Variants in DNAI3 observed in about 807,000 individuals in gnomAD.
The protein encoded by DNAI3 is WD repeat domain 63.
DNAI3 carries 83 observed loss-of-function variants against 115.5 expected under a neutral mutation model. The observed-to-expected ratio is 0.72, with a 90% CI of 0.60 to 0.86. DNAI3 has a LOEUF of 0.86. Ranked by LOEUF, DNAI3 falls within the 40% of genes least tolerant of loss-of-function variation. DNAI3 has a pLI of 0.00. For synonymous variants in DNAI3, 320 were observed against 347.0 expected, an observed-to-expected ratio of 0.92 and a Z score of 0.86; for missense variants, 1,004 against 1,075.8, an observed-to-expected ratio of 0.93 and a Z score of 0.93.
Position 85,110,415 on chromosome 1 carries a change from T to C in DNAI3, c.1786+280T>C, listed in dbSNP as rs6656774. ...GCAGTGAGCCGAGATCGTGCCACTG[T>C]ACTCCAGTCCGGGCAACAGAGCGAG... On this transcript the variant is annotated intron_variant, in intron 16 of 22. Coordinates refer to ENST00000294664, the MANE Select transcript of DNAI3 (RefSeq NM_145172.5). 8.1e-3 allele frequency among the ~76,000 whole-genome samples: 1,219 copies of C among 149,910 alleles called. 16 individuals are homozygous for C. Among genetic ancestry groups the C allele is most frequent in the African/African-American group, 0.028 (1,140 of 40,614 alleles).
intron 16 of DNAI3, among the ~76,000 whole-genome samples, chr1:85,112,626 T>C (rs1470230293): frequency 6.6e-6 from 1 of 152,230 alleles, no homozygotes; most frequent in East Asian, 1.9e-4. Context: ...ATTTAACCAT[T>C]CTAAAATATA....
intron 13 of DNAI3, among the ~76,000 whole-genome samples, chr1:85,101,135 A>AC (rs1321141681): frequency 3.8e-5 from 1 of 26,418 alleles, no homozygotes; most frequent in African/African-American, 2.2e-4. Context: ...TAATAAAATT[A>AC]AAAAAAAAGA....
rs757428832 is a variant in DNAI3, at chr1:85,110,153, T to C, written c.1786+18T>C. ...AACACAAGGTAACTGCCTTTGCTTA[T>C]TTAAAAAAAAAAAAAAGGCCGGGCG... On this transcript the variant is annotated intron_variant, in intron 16 of 22. Coordinates refer to ENST00000294664, the MANE Select transcript of DNAI3 (RefSeq NM_145172.5). 5.7e-6 allele frequency: 9 copies of C among 1,591,026 alleles called. No homozygotes were observed. Among genetic ancestry groups the C allele is most frequent in the East Asian group, 2.3e-5 (1 of 44,282 alleles).
In DNAI3 at chr1:85,084,690, A is replaced by C; in HGVS notation, c.535A>C (p.Lys179Gln). ...IEEESVTEST[K>Q]QITYMISRKR... ...GGAAGAATCAGTTACGGAATCTACA[A>C]AGCAGGTTAGAGGGTTATATATGAT... Residue 179 changes from lysine to glutamine, a missense_variant, in exon 6 of 23, where the codon AAG becomes CAG. Physicochemically the swap from Lys to Gln is moderately conservative, Grantham distance 53 (BLOSUM62 1). Around this residue, in one of 3 missense-constraint regions of DNAI3, gnomAD observed 550 missense variants for 568.1 expected, o/e 0.97. Coordinates refer to ENST00000294664, the MANE Select transcript of DNAI3 (RefSeq NM_145172.5). The C allele has an allele frequency of 6.6e-7, 1 of 1,519,038 alleles. No homozygotes were observed. Among genetic ancestry groups the C allele is most frequent in the Admixed American group, 2.0e-5 (1 of 49,652 alleles). 94.1% of individuals were successfully genotyped at this position (1,519,038 alleles called of 1,614,324 possible). A position where few individuals can be genotyped will look rare whatever the true frequency, so the allele number is the denominator to read the frequency against.
intron 20 of DNAI3, 102 bp from the exon 21 acceptor site, chr1:85,128,606 T>G: frequency 1.2e-6 from 1 of 866,144 alleles, no homozygotes; most frequent in Non-Finnish European, 1.8e-6. Flanking sequence ...CCACAGCAGG[T>G]CCTTTGGGAG....
chr1:85,133,075 C>CATAT lies in DNAI3; in HGVS notation c.*87_*90dup. 1 of 1,432,244 alleles carries CATAT rather than the reference C, an allele frequency of 7.0e-7. No individual in the cohort carries two copies. The highest frequency in any genetic ancestry group is 9.4e-7 in the Non-Finnish European group (1 of 1,063,712). The allele number at this position is 1,432,244 out of a possible 1,614,324, so 88.7% of individuals were successfully genotyped here. The stretch of plus-strand genomic sequence containing the variant: ...ATGTCAGGTGAACTGGCATGCTGAA[C>CATAT]ATATATATATATAGGCTCATTTATA... On this transcript the variant is annotated 3_prime_UTR_variant, in exon 23 of 23. Coordinates refer to ENST00000294664, the MANE Select transcript of DNAI3 (RefSeq NM_145172.5).
chr1:85,108,374 CAT>C (rs1474455895), intron 15 of DNAI3, among the ~76,000 whole-genome samples, 197 bp downstream of exon 15: 1 of 152,092 alleles, frequency 6.6e-6, no homozygotes, highest in African/African-American at 2.4e-5. Context: ...TTAATTGATA[CAT>C]GTTATTGTAT....
At chr1:85,072,598 C>T (rs544761424) in intron 2 of DNAI3, among the ~76,000 whole-genome samples, 24 of 148,944 alleles carry the variant, frequency 1.6e-4, no homozygotes, top group South Asian at 1.3e-3. Flanking sequence ...GCAGAGATCG[C>T]GCCACTGCAC....
At chr1:85,117,077 G>A (rs1376962095) in intron 16 of DNAI3, among the ~76,000 whole-genome samples, 1 of 152,070 alleles carries the variant, frequency 6.6e-6, no homozygotes, top group Non-Finnish European at 1.5e-5. Context: ...TATTGAGGAA[G>A]TGTGGTAGAG....
chr1:85,079,880 C>A (rs1654577052), intron 3 of DNAI3, among the ~76,000 whole-genome samples: 1 of 151,948 alleles, frequency 6.6e-6, no homozygotes, highest in South Asian at 2.1e-4. Flanking sequence ...GATTCCCTAC[C>A]CACTTTCCTG....
Position 85,093,661 on chromosome 1 carries a change from T to C in DNAI3, c.1048+13T>C. The C allele has an allele frequency of 1.2e-6, 2 of 1,613,446 alleles. No homozygotes were observed. The highest frequency in any genetic ancestry group is 2.2e-5 in the East Asian group (1 of 44,872). Reference sequence around the variant, plus strand: ...CCAACTATCTATGGTGAGATGGAAATGATGGGGATTCCCTTTTGTGATAAC... The same window carrying C: ...CCAACTATCTATGGTGAGATGGAAACGATGGGGATTCCCTTTTGTGATAAC... On this transcript the variant is annotated intron_variant, in intron 9 of 22. Coordinates refer to ENST00000294664, the MANE Select transcript of DNAI3 (RefSeq NM_145172.5).
chr1:85,085,821 T>C lies in DNAI3; in HGVS notation c.541-10T>C. 4 of 1,612,620 alleles carry C rather than the reference T, an allele frequency of 2.5e-6. No individual in the cohort carries two copies. Among genetic ancestry groups the C allele is most frequent in the Non-Finnish European group, 2.5e-6 (3 of 1,178,942 alleles). ...CATTATGTTACCTTTACTGTTTACA[T>C]GTGTTACAGATTACATATATGATTT... On this transcript the variant is annotated splice_polypyrimidine_tract_variant and intron_variant, in intron 6 of 22. Coordinates refer to ENST00000294664, the MANE Select transcript of DNAI3 (RefSeq NM_145172.5).
At chr1:85,087,272 C>T (rs1654824879) in intron 7 of DNAI3, among the ~76,000 whole-genome samples, 1 of 151,776 alleles carries the variant, frequency 6.6e-6, no homozygotes, top group African/African-American at 2.4e-5. Flanking sequence ...CCCGTCTTTA[C>T]TAAAAATACG....
At chr1:85,110,285 A>C (rs1655615333) in intron 16 of DNAI3, 150 bp downstream of exon 16, 1 of 596,588 alleles carries the variant, frequency 1.7e-6, no homozygotes. Flanking sequence ...CCCCGTCTCT[A>C]CTAAAACTAC....
At chr1:85,125,018 C>A (rs369560887) in intron 19 of DNAI3, among the ~76,000 whole-genome samples, 31 of 152,130 alleles carry the variant, frequency 2.0e-4, no homozygotes, top group African/African-American at 6.5e-4. Context: ...CAGGGACATA[C>A]AGTAGTTAAA....
In DNAI3 at chr1:85,126,577, C is replaced by T. The variant is rs571088814; in HGVS notation, c.2179C>T (p.Arg727Trp). ...RYTSGHWSLT[R>W]PGVFYIGRED... ...CACCTCAGGCCACTGGTCCCTGACT[C>T]GGCCCGGAGTTTTCTACATCGGCCG... is the stretch of plus-strand genomic sequence containing the variant. The change falls in exon 20 of 23, where the codon CGG (arginine) becomes TGG (tryptophan). Residue 727 changes from arginine (R) to tryptophan (W), a missense_variant. Physicochemically the swap from Arg to Trp is moderately radical, Grantham distance 101. Transcript: ENST00000294664. 9.9e-6 allele frequency: 16 copies of T among 1,614,146 alleles called. No individual in the cohort carries two copies. Among genetic ancestry groups the T allele is most frequent in the East Asian group, 2.2e-5 (1 of 44,886 alleles).
In DNAI3 at chr1:85,085,832, T is replaced by C. The variant is rs752029444; in HGVS notation, c.542T>C (p.Ile181Thr). The change falls in exon 7 of 23, where the codon ATT becomes ACT. Residue 181 changes from isoleucine to threonine, a missense_variant and splice_region_variant. Around this residue, in one of 3 missense-constraint regions of DNAI3, gnomAD observed 550 missense variants for 568.1 expected, o/e 0.97. Transcript: ENST00000294664. Reference protein sequence around the residue: ...EESVTESTKQITYMISRKRSE... With the variant: ...EESVTESTKQTTYMISRKRSE... ...CTTTACTGTTTACATGTGTTACAGATTACATATATGATTTCTCGAAAACGA... is the reference window on the plus strand; with the variant it reads ...CTTTACTGTTTACATGTGTTACAGACTACATATATGATTTCTCGAAAACGA... 7.4e-6 allele frequency: 12 copies of C among 1,613,626 alleles called. No individual in the cohort carries two copies. Among genetic ancestry groups the C allele is most frequent in the Non-Finnish European group, 1.0e-5 (12 of 1,179,790 alleles).
rs183756312 is a variant in DNAI3, at chr1:85,120,144, T to G, written c.1918-1607T>G. On this transcript the variant is annotated intron_variant, in intron 17 of 22. Transcript: ENST00000294664. The stretch of plus-strand genomic sequence containing the variant: ...GCTCTTGGCCCTGTAGATATAGCAC[T>G]GAACAAACAGACAAAATTCCCTGGC... Among the ~76,000 whole-genome samples, 246 of 152,364 alleles carry G rather than the reference T, an allele frequency of 1.6e-3. 2 individuals carry two copies. Among genetic ancestry groups the G allele is most frequent in the African/African-American group, 5.6e-3 (233 of 41,574 alleles).
intron 20 of DNAI3, among the ~76,000 whole-genome samples, chr1:85,127,225 C>A (rs570115158): frequency 1.3e-5 from 2 of 152,212 alleles, no homozygotes; most frequent in African/African-American, 4.8e-5. Context: ...AAATGATTAT[C>A]TGGAGTTATA....
Sources: allele counts gnomAD v4.1 joint callset (sites outside exome capture counted in the v4.1 genomes callset), GRCh38; gene constraint gnomAD v4.1.1; regional missense constraint gnomAD v4.1.1; transcripts MANE v1.5; gene names NCBI Gene and HGNC (gene_info 2026-07-23, HGNC 2026-07-21).